Variants in PEX6 observed in about 807,000 individuals in gnomAD.
The protein encoded by PEX6 is peroxisome biogenesis factor 6.
In PEX6, 55 loss-of-function variants were observed where a neutral mutation model predicts 85.6. The ratio of observed to expected loss-of-function variants is 0.64; its 90% CI spans 0.52 to 0.80. PEX6 has a LOEUF of 0.80. Ranked by LOEUF, PEX6 falls within the 30% of genes least tolerant of loss-of-function variation. The pLI is 0.00. For missense variants in PEX6, 1,099 were observed against 1,260.3 expected, an observed-to-expected ratio of 0.87 and a Z score of 1.94; for synonymous variants, 519 against 549.1, an observed-to-expected ratio of 0.95 and a Z score of 0.77.
chr6:42,972,852 A>T (rs1770116291), intron 3 of PEX6, among the ~76,000 whole-genome samples: 1 of 151,832 alleles, frequency 6.6e-6, no homozygotes, highest in South Asian at 2.1e-4. Context: ...CTCCGTAGTT[A>T]AGGCAGAAAT....
chr6:42,964,561 G>A lies in PEX6; in HGVS notation c.2807-90C>T. The A allele has an allele frequency of 6.8e-7, 1 of 1,478,376 alleles. No homozygotes were observed. 91.6% of individuals were successfully genotyped at this position (1,478,376 alleles called of 1,614,324 possible). A position where few individuals can be genotyped will look rare whatever the true frequency, so the allele number is the denominator to read the frequency against. ...GCTTCCTGCTCAGGGTCTCCTAGAT[G>A]TCAATGATCTTCCCTCTGGAATCCA... On this transcript the variant is annotated intron_variant, in intron 16 of 16. Coordinates refer to ENST00000304611, the MANE Select transcript of PEX6 (RefSeq NM_000287.4). The surrounding 1 kb of genome is among the most constrained non-coding windows in gnomAD (Gnocchi z 4.6).
At position 42,978,690 on chromosome 6, in the gene PEX6, C is replaced by G; in HGVS notation, c.461G>C (p.Arg154Pro). ...CCCGCGGAGCTCAGTCACAGCCAGC[C>G]GAGTCCCTGGGCCCAGCAGCCCTTG... ...ALQGLLGPGT[R>P]LAVTELRGRA... is the part of the protein sequence containing the mutation. Residue 154 changes from arginine (R) to proline (P), a missense_variant, in exon 1 of 17, where the codon CGG becomes CCG. By Grantham distance (103) the Arg-to-Pro change is moderately radical. Transcript: ENST00000304611. The G allele has an allele frequency of 6.4e-7, 1 of 1,552,240 alleles. No individual in the cohort carries two copies. Among genetic ancestry groups the G allele is most frequent in the Non-Finnish European group, 8.7e-7 (1 of 1,156,058 alleles).
Position 42,964,394 on chromosome 6 carries a change from C to T in PEX6, c.2884G>A (p.Val962Ile), listed in dbSNP as rs771029096. The change falls in exon 17 of 17, where the codon GTC becomes ATC. Residue 962 changes from valine to isoleucine, a missense_variant. Val to Ile is a conservative substitution (Grantham distance 29). Around this residue, in one of 3 missense-constraint regions of PEX6, gnomAD observed 514 missense variants for 627.0 expected, o/e 0.82. Transcript: ENST00000304611. The surrounding 1 kb of genome is among the most constrained non-coding windows in gnomAD (Gnocchi z 4.6). The part of the protein sequence containing the change: ...LQAAARLQPS[V>I]SEQELLRYKR... ...TACCGGAGCAGCTCCTGCTCACTGA[C>T]TGAGGGTTGCAGCCGGGCGGCAGCC... 1.9e-5 allele frequency: 31 copies of T among 1,613,774 alleles called. 1 individual carries two copies. The highest frequency in any genetic ancestry group is 2.5e-5 in the Non-Finnish European group (29 of 1,180,034).
chr6:42,967,062 C>A (rs553899981), intron 8 of PEX6, among the ~76,000 whole-genome samples: 2 of 149,496 alleles, frequency 1.3e-5, no homozygotes, highest in Non-Finnish European at 3.0e-5. Context: ...AACTTCCACC[C>A]GGGTTCAAGC....
At chr6:42,976,347 C>T (rs917258824) in intron 1 of PEX6, among the ~76,000 whole-genome samples, 1 of 151,886 alleles carries the variant, frequency 6.6e-6, no homozygotes, top group Non-Finnish European at 1.5e-5. Flanking sequence ...TGTATTTGTC[C>T]CCCTAAACAC....
In PEX6 at chr6:42,964,578, T is replaced by C. The variant is rs1769659818; in HGVS notation, c.2807-107A>G. 7.0e-7 allele frequency: 1 copy of C among 1,436,168 alleles called. No individual in the cohort carries two copies. The highest frequency in any genetic ancestry group is 9.7e-7 in the Non-Finnish European group (1 of 1,027,650). The allele number at this position is 1,436,168 out of a possible 1,614,324, so 89.0% of individuals were successfully genotyped here. On this transcript the variant is annotated intron_variant, in intron 16 of 16. Transcript: ENST00000304611. The surrounding 1 kb of genome is among the most constrained non-coding windows in gnomAD (Gnocchi z 4.6). Reference sequence around the variant, plus strand: ...TCCTAGATGTCAATGATCTTCCCTCTGGAATCCAGGACTAGGTTTGTCTCC... The same window carrying C: ...TCCTAGATGTCAATGATCTTCCCTCCGGAATCCAGGACTAGGTTTGTCTCC...
Position 42,978,402 on chromosome 6 carries a change from T to C in PEX6, c.749A>G (p.Asp250Gly), listed in dbSNP as rs1047438981. 2.0e-5 allele frequency: 32 copies of C among 1,613,676 alleles called. No homozygotes were observed. The highest frequency in any genetic ancestry group is 2.5e-5 in the Non-Finnish European group (29 of 1,179,956). Residue 250 changes from aspartate to glycine, a missense_variant, in exon 1 of 17, where the codon GAC (aspartate) becomes GGC (glycine). Physicochemically the swap from Asp to Gly is moderately conservative, Grantham distance 94. This residue lies in a region of PEX6 where 579 missense variants were observed against 611.6 expected (regional missense o/e 0.95). Transcript: ENST00000304611. ...ARVQVLEPRW[D>G]LSDRLGPGSG... ...GCCGGGTCCCAGTCTATCAGAGAGG[T>C]CCCAGCGAGGTTCTAGGACCTGCAC...
chr6:42,978,050 G>A (rs925566760), intron 1 of PEX6, among the ~76,000 whole-genome samples: 1 of 151,822 alleles, frequency 6.6e-6, no homozygotes, highest in East Asian at 2.0e-4. Flanking sequence ...TCTCCATGTT[G>A]GTCAGGCTGG....
intron 8 of PEX6, 118 bp from the exon 9 acceptor site, chr6:42,966,976 T>TTG (rs1396982230): frequency 8.9e-6 from 7 of 784,226 alleles, no homozygotes; most frequent in African/African-American, 5.3e-5. Flanking sequence ...TGTTTTTTTT[T>TTG]TTTTTTTTTT....
intron 8 of PEX6, 86 bp from the exon 9 acceptor site, chr6:42,966,944 T>C (rs1581761274): frequency 1.1e-6 from 1 of 875,460 alleles, no homozygotes; most frequent in Non-Finnish European, 1.9e-6. Context: ...GCAGAGGCCC[T>C]CTGTTGATGC....
chr6:42,974,167 T>G (rs916456928), intron 2 of PEX6, 81 bp from the exon 3 acceptor site: 1 of 1,044,926 alleles, frequency 9.6e-7, no homozygotes, highest in Admixed American at 1.7e-5. Flanking sequence ...ACCCCCGACA[T>G]GCAGACTACT....
chr6:42,973,287 C>G (rs912919618), intron 3 of PEX6, among the ~76,000 whole-genome samples: 1 of 152,008 alleles, frequency 6.6e-6, no homozygotes, highest in African/African-American at 2.4e-5. Flanking sequence ...GCTGGGATTA[C>G]AGTCGTGAGC....
At position 42,969,816 on chromosome 6, in the gene PEX6, A is replaced by T; in HGVS notation, c.1234-15T>A. On this transcript the variant is annotated splice_polypyrimidine_tract_variant and intron_variant, in intron 4 of 16. Coordinates refer to ENST00000304611, the MANE Select transcript of PEX6 (RefSeq NM_000287.4). Reference sequence around the variant, plus strand: ...GTAGAACCCACCTGTGAAAGGTAATAAAAAGCTTTCGTTTCTAAAAATCGT... The same window carrying T: ...GTAGAACCCACCTGTGAAAGGTAATTAAAAGCTTTCGTTTCTAAAAATCGT... 6.2e-7 allele frequency: 1 copy of T among 1,614,080 alleles called. No homozygotes were observed. Among genetic ancestry groups the T allele is most frequent in the South Asian group, 1.1e-5 (1 of 91,080 alleles).
rs556366511 is a variant in PEX6, at chr6:42,967,665, G to A, written c.1689-102C>T. ...CACAGAAGGGCAGGGAAGTGAGGTG[G>A]GTGCTAGGATGGGGTAGGGAGATGA... On this transcript the variant is annotated intron_variant, in intron 7 of 16. Transcript: ENST00000304611. The A allele has an allele frequency of 7.6e-6, 8 of 1,058,798 alleles. No homozygotes were observed. The African/African-American group carries it at 1.3e-4, about 17-fold the overall frequency. The allele number at this position is 1,058,798 out of a possible 1,614,324, so 65.6% of individuals were successfully genotyped here. A position where few individuals can be genotyped will look rare whatever the true frequency, so the allele number is the denominator to read the frequency against.
rs2114235359 is a variant in PEX6, at chr6:42,964,452, T to C, written c.2826A>G (p.Ser942=). 3 of 1,613,564 alleles carry C rather than the reference T, an allele frequency of 1.9e-6. No homozygotes were observed. Among genetic ancestry groups the C allele is most frequent in the Non-Finnish European group, 2.5e-6 (3 of 1,179,854 alleles). Residue 942 remains serine (S), a synonymous_variant, in exon 17 of 17, where the codon TCA becomes TCG. Coordinates refer to ENST00000304611, the MANE Select transcript of PEX6 (RefSeq NM_000287.4). The surrounding 1 kb of genome is among the most constrained non-coding windows in gnomAD (Gnocchi z 4.6). ...AGTCCTCCATGGTGAGCATCAGTGC[T>C]GAGCTACCTGGCTCCAGCCCTGGAG... ...DLEEGLEPGS[S]ALMLTMEDLL...
intron 1 of PEX6, among the ~76,000 whole-genome samples, chr6:42,977,474 G>A (rs1420267748): frequency 6.6e-6 from 1 of 151,934 alleles, no homozygotes; most frequent in Non-Finnish European, 1.5e-5. Flanking sequence ...CATTATGGAG[G>A]CTTATGATAT....
intron 2 of PEX6, among the ~76,000 whole-genome samples, chr6:42,974,292 G>A (rs1024259842): frequency 6.6e-6 from 1 of 152,144 alleles, no homozygotes; most frequent in African/African-American, 2.4e-5. Context: ...AGAGACAGAT[G>A]AGTGGCAGAG....
At chr6:42,978,243 C>A in intron 1 of PEX6, 26 bp downstream of exon 1, 1 of 1,613,504 alleles carries the variant, frequency 6.2e-7, no homozygotes. Flanking sequence ...AGAGGAAGCA[C>A]TCCTGACCCC....
chr6:42,975,712 G>GTT (rs1186126396), intron 1 of PEX6, among the ~76,000 whole-genome samples: 40 of 140,620 alleles, frequency 2.8e-4, no homozygotes, highest in Admixed American at 4.3e-4. Context: ...ACATGATTTA[G>GTT]TTTTTTTTTT....
Sources: allele counts gnomAD v4.1 joint callset (sites outside exome capture counted in the v4.1 genomes callset), GRCh38; gene constraint gnomAD v4.1.1; regional missense constraint gnomAD v4.1.1; non-coding constraint Gnocchi (gnomAD v3.1); transcripts MANE v1.5; gene names NCBI Gene and HGNC (gene_info 2026-07-23, HGNC 2026-07-21).